Variants in PCLO observed in about 807,000 individuals in gnomAD.
PCLO encodes piccolo presynaptic cytomatrix protein.
A neutral mutation model predicts 427.5 loss-of-function variants in PCLO; 82 were observed. The ratio of observed to expected loss-of-function variants is 0.19; its 90% CI spans 0.16 to 0.23. The LOEUF (loss-of-function observed/expected upper bound fraction) is 0.23. PCLO is among the 10% of genes least tolerant of loss of function. The pLI, the probability that PCLO is intolerant of heterozygous loss-of-function variation, is 1.00. For synonymous variants in PCLO, 2,357 were observed against 2,155.4 expected (o/e 1.09, Z -2.59); for missense variants, 6,239 against 6,115.9 (o/e 1.02, Z -0.67).
At chr7:82,807,504 G>T (rs934161463) in intron 20 of PCLO, among the ~76,000 whole-genome samples, 1 of 152,092 alleles carries the variant, frequency 6.6e-6, no homozygotes, top group South Asian at 2.1e-4. Flanking sequence ...ACCACATGAA[G>T]TGAAACACAT....
intron 3 of PCLO, among the ~76,000 whole-genome samples, chr7:82,980,244 G>C (rs1320515012): frequency 2.6e-5 from 4 of 152,136 alleles, no homozygotes; most frequent in Non-Finnish European, 4.4e-5. Context: ...CCGAGAGAGA[G>C]AAAGAGGAAA....
chr7:82,789,505 A>C (rs983501998), intron 22 of PCLO, among the ~76,000 whole-genome samples: 1 of 152,150 alleles, frequency 6.6e-6, no homozygotes, highest in Non-Finnish European at 1.5e-5. Flanking sequence ...CAGGAGTTTG[A>C]GACCAGCCTG....
In PCLO at chr7:82,951,529, T is replaced by A. The variant is rs192887604; in HGVS notation, c.9098-39A>T. The A allele has an allele frequency of 3.0e-5, 41 of 1,358,708 alleles. No homozygotes were observed. The Admixed American group carries it at 8.0e-4, about 26-fold the overall frequency. 84.2% of individuals were successfully genotyped at this position (1,358,708 alleles called of 1,614,324 possible). A position where few individuals can be genotyped will look rare whatever the true frequency, so the allele number is the denominator to read the frequency against. On this transcript the variant is annotated intron_variant, in intron 5 of 24. Coordinates refer to ENST00000333891, the MANE Select transcript of PCLO (RefSeq NM_033026.6). Reference sequence around the variant, plus strand: ...CAGAGTTATAGTCCAGTTCCCAGAATGAATGATGCTTTTTGAGTTTGAAAA... The same window carrying A: ...CAGAGTTATAGTCCAGTTCCCAGAAAGAATGATGCTTTTTGAGTTTGAAAA...
intron 6 of PCLO, among the ~76,000 whole-genome samples, chr7:82,938,524 A>C (rs1795008096): frequency 6.6e-6 from 1 of 151,964 alleles, no homozygotes. Context: ...CTATTTCAAA[A>C]ACTTATTGGG....
At chr7:83,051,984 T>A (rs112214399) in intron 3 of PCLO, among the ~76,000 whole-genome samples, 1 of 151,598 alleles carries the variant, frequency 6.6e-6, no homozygotes, top group Non-Finnish European at 1.5e-5. Context: ...TACATCCACA[T>A]GCAAAAAAAT....
At chr7:83,040,328 G>A (rs1203178578) in intron 3 of PCLO, among the ~76,000 whole-genome samples, 1 of 152,106 alleles carries the variant, frequency 6.6e-6, no homozygotes, top group Non-Finnish European at 1.5e-5. Flanking sequence ...CACAGATTTT[G>A]TAGGCTGATA....
chr7:83,150,528 T>C (rs970784424), intron 2 of PCLO, among the ~76,000 whole-genome samples: 2 of 151,936 alleles, frequency 1.3e-5, no homozygotes, highest in Admixed American at 1.3e-4. Flanking sequence ...GGTCGGGGAG[T>C]GATGATTCGT....
Position 82,754,843 on chromosome 7 carries a change from G to A in PCLO, c.*3732C>T, listed in dbSNP as rs540581762. 1.8e-4 allele frequency: 27 copies of A among 152,098 alleles called. No individual in the cohort carries two copies. The highest frequency in any genetic ancestry group is 2.8e-4 in the Non-Finnish European group (19 of 67,940). The allele number at this position is 152,098 out of a possible 1,614,324, so 9.4% of individuals were successfully genotyped here. On this transcript the variant is annotated 3_prime_UTR_variant, in exon 25 of 25. Transcript: ENST00000333891. Reference sequence around the variant, plus strand: ...ACTTTCATGTCAAGCTCAAAAAGAGGGAAGGAAGATCACTTCTGTCACACA... The same window carrying A: ...ACTTTCATGTCAAGCTCAAAAAGAGAGAAGGAAGATCACTTCTGTCACACA...
rs139646406 is a variant in PCLO, at chr7:83,042,892, AGAT to A, written c.3301-76408_3301-76406del. Among the ~76,000 whole-genome samples the A allele has an allele frequency of 8.4e-3, 1,286 of 152,254 alleles. 46 individuals are homozygous for A. The highest frequency in any genetic ancestry group is 0.058 in the Admixed American group (880 of 15,280). Reference sequence around the variant, plus strand: ...ACAAACAAACAAACAACAACAGCAAAGATGATGACAACAGGGCAGTCAAAGCAG... The same window carrying A: ...ACAAACAAACAAACAACAACAGCAAAGATGACAACAGGGCAGTCAAAGCAG... On this transcript the variant is annotated intron_variant, in intron 3 of 24. Coordinates refer to ENST00000333891, the MANE Select transcript of PCLO (RefSeq NM_033026.6).
Position 82,992,718 on chromosome 7 carries a change from C to G in PCLO, c.3301-26231G>C, listed in dbSNP as rs533374724. ...GGCACACGTCTACCTATGTAACAAA[C>G]CTGCACATCCTGTACATGTATCCCA... On this transcript the variant is annotated intron_variant, in intron 3 of 24. Transcript: ENST00000333891. Among the ~76,000 whole-genome samples, 26 of 152,082 alleles carry G rather than the reference C, an allele frequency of 1.7e-4. No individual in the cohort carries two copies. The South Asian group carries it at 5.4e-3, about 32-fold the overall frequency.
chr7:83,161,351 G>T (rs181014402), intron 1 of PCLO, among the ~76,000 whole-genome samples: 1 of 152,240 alleles, frequency 6.6e-6, no homozygotes, highest in Non-Finnish European at 1.5e-5. Context: ...TCATAAAAGA[G>T]GAATTGTTTC....
chr7:82,825,063 A>C (rs1166375984), intron 18 of PCLO, among the ~76,000 whole-genome samples: 4 of 152,188 alleles, frequency 2.6e-5, no homozygotes, highest in Non-Finnish European at 5.9e-5. Context: ...AAAATGGAAA[A>C]GAATGAGTAA....
chr7:82,821,309 G>A, intron 20 of PCLO: 1 of 986,230 alleles, frequency 1.0e-6, no homozygotes, highest in Non-Finnish European at 1.2e-6. Flanking sequence ...GGCAGTGTGG[G>A]TGAAATGGAA....
intron 3 of PCLO, among the ~76,000 whole-genome samples, chr7:83,040,902 C>T (rs951328588): frequency 2.0e-5 from 3 of 152,006 alleles, no homozygotes; most frequent in Non-Finnish European, 4.4e-5. Context: ...TCACATTGCA[C>T]TCCATAAATG....
At chr7:82,898,129 C>A (rs1234679492) in intron 9 of PCLO, among the ~76,000 whole-genome samples, 2 of 151,498 alleles carry the variant, frequency 1.3e-5, no homozygotes, top group East Asian at 3.9e-4. Context: ...TAGAAGGCAG[C>A]TGAATTTTCA....
chr7:82,838,160 G>A (rs1792274736), intron 15 of PCLO, 58 bp downstream of exon 15: 2 of 1,264,946 alleles, frequency 1.6e-6, no homozygotes, highest in Non-Finnish European at 2.2e-6. Context: ...TTAAAGAGTA[G>A]AAAATACTAT....
intron 3 of PCLO, among the ~76,000 whole-genome samples, chr7:83,055,239 T>C (rs967627334): frequency 1.2e-4 from 19 of 152,062 alleles, no homozygotes; most frequent in African/African-American, 4.3e-4. Flanking sequence ...TTCTCACCCA[T>C]TGGGCAGTAA....
At chr7:83,011,030 T>C (rs943574472) in intron 3 of PCLO, among the ~76,000 whole-genome samples, 1 of 152,060 alleles carries the variant, frequency 6.6e-6, no homozygotes. Flanking sequence ...ACACACATGA[T>C]CTTGTATGAA....
At chr7:82,926,248 T>C (rs932904307) in intron 6 of PCLO, among the ~76,000 whole-genome samples, 12 of 152,152 alleles carry the variant, frequency 7.9e-5, no homozygotes, top group Non-Finnish European at 1.6e-4. Flanking sequence ...ATTAAGGCAA[T>C]ATATAAGTAG....
Sources: allele counts gnomAD v4.1 joint callset (sites outside exome capture counted in the v4.1 genomes callset), GRCh38; gene constraint gnomAD v4.1.1; transcripts MANE v1.5; gene names NCBI Gene and HGNC (gene_info 2026-07-23, HGNC 2026-07-21).